Variants in RBMS3 observed in about 807,000 individuals in gnomAD.
The protein encoded by RBMS3 is RNA binding motif single stranded interacting protein 3.
Under a neutral mutation model 66.8 loss-of-function variants are expected in RBMS3, and 27 were observed. The observed-to-expected ratio is 0.40, with a 90% CI of 0.30 to 0.56. The LOEUF (loss-of-function observed/expected upper bound fraction) is 0.56. RBMS3 is among the 20% of genes least tolerant of loss of function. RBMS3 has a pLI of 0.40. For synonymous variants in RBMS3, 188 were observed against 183.0 expected (o/e 1.03, Z -0.22); for missense variants, 513 against 549.5 (o/e 0.93, Z 0.66).
At chr3:29,418,794 G>A (rs767653229) in intron 1 of RBMS3, among the ~76,000 whole-genome samples, 1 of 152,076 alleles carries the variant, frequency 6.6e-6, no homozygotes, top group Non-Finnish European at 1.5e-5. Context: ...TTGAGTAAAA[G>A]CCACCATGCT....
chr3:29,715,767 G>A (rs2053366965), intron 4 of RBMS3, among the ~76,000 whole-genome samples: 2 of 152,104 alleles, frequency 1.3e-5, no homozygotes. Flanking sequence ...AAATCGTTTT[G>A]TTCAGGGTAT....
intron 6 of RBMS3, among the ~76,000 whole-genome samples, chr3:29,772,990 A>G (rs1413821982): frequency 3.3e-5 from 5 of 152,062 alleles, no homozygotes; most frequent in Non-Finnish European, 4.4e-5. Flanking sequence ...ATCTGACACC[A>G]TAAGTATGCC....
At chr3:29,992,216 G>A (rs540924823) in intron 14 of RBMS3, among the ~76,000 whole-genome samples, 47 of 152,238 alleles carry the variant, frequency 3.1e-4, no homozygotes, top group Non-Finnish European at 3.2e-4. Flanking sequence ...AAAATATTCT[G>A]ATATTTGTTA....
intron 3 of RBMS3, among the ~76,000 whole-genome samples, chr3:29,552,862 A>C (rs2046222396): frequency 6.6e-6 from 1 of 152,126 alleles, no homozygotes; most frequent in Admixed American, 6.6e-5. Flanking sequence ...TCTGGGTAGT[A>C]AATGGTATCT....
chr3:29,391,757 G>A lies in RBMS3; in HGVS notation c.76-42986G>A, dbSNP rs189518182. ...TCTCTACTTTCTTATCTGTAAAGTAGGGATGAGCAAAATTGAACAAGATAT... is the reference window on the plus strand; with the variant it reads ...TCTCTACTTTCTTATCTGTAAAGTAAGGATGAGCAAAATTGAACAAGATAT... On this transcript the variant is annotated intron_variant, in intron 1 of 14. Coordinates refer to ENST00000383767, the MANE Select transcript of RBMS3 (RefSeq NM_001003793.3). 5.3e-5 allele frequency among the ~76,000 whole-genome samples: 8 copies of A among 152,202 alleles called. No individual in the cohort carries two copies. The East Asian group carries it at 1.5e-3, about 29-fold the overall frequency.
rs118150723 is a variant in RBMS3 at position 29,762,664 on chromosome 3, C to G, written c.558-246C>G. The stretch of plus-strand genomic sequence containing the variant: ...TTAAGATAATGCCGCAGGGTTACCT[C>G]TGAACGAGTGCTCAGAATAGAGCCC... On this transcript the variant is annotated intron_variant, in intron 5 of 14. Coordinates refer to ENST00000383767, the MANE Select transcript of RBMS3 (RefSeq NM_001003793.3). Among the ~76,000 whole-genome samples the G allele has an allele frequency of 4.2e-3, 641 of 152,230 alleles. 16 individuals carry two copies. The highest frequency in any genetic ancestry group is 0.035 in the Admixed American group (531 of 15,274).
At chr3:29,865,464 A>G (rs1270924638) in intron 6 of RBMS3, among the ~76,000 whole-genome samples, 1 of 152,228 alleles carries the variant, frequency 6.6e-6, no homozygotes, top group Non-Finnish European at 1.5e-5. Context: ...AAAGAAACCC[A>G]GAATTTTCTG....
chr3:29,373,339 C>A (rs1370459271), intron 1 of RBMS3, among the ~76,000 whole-genome samples: 1 of 152,170 alleles, frequency 6.6e-6, no homozygotes, highest in African/African-American at 2.4e-5. Flanking sequence ...TAATCCTCCC[C>A]CTAAAAGAAA....
chr3:29,860,403 A>T (rs2059183242), intron 6 of RBMS3, among the ~76,000 whole-genome samples: 1 of 152,246 alleles, frequency 6.6e-6, no homozygotes, highest in South Asian at 2.1e-4. Context: ...CTTGTTTTCC[A>T]TGTGCTAGTT....
At chr3:29,415,997 A>C (rs1272374038) in intron 1 of RBMS3, among the ~76,000 whole-genome samples, 2 of 152,276 alleles carry the variant, frequency 1.3e-5, no homozygotes, top group Middle Eastern at 3.4e-3. Context: ...TGTAGACAGA[A>C]AGAACAAGTG....
chr3:29,944,210 C>T lies in RBMS3; in HGVS notation c.1054C>T (p.Gln352Ter). Reference protein sequence around the residue: ...HLSLGTTGTIQSQDRIMILHQ... With the variant: ...HLSLGTTGTI ...CTCATGCTCTTTTCATTCAAAGATT[C>T]AATCCCAAGACAGGATTATGATACT... The change falls in exon 12 of 15, where the codon CAA becomes TAA. Residue 352 changes from glutamine to a stop codon, truncating the protein, a stop_gained. Coordinates refer to ENST00000383767, the MANE Select transcript of RBMS3 (RefSeq NM_001003793.3). LOFTEE classifies it high-confidence loss of function. The T allele has an allele frequency of 6.3e-7, 1 of 1,587,122 alleles. No individual in the cohort carries two copies. Among genetic ancestry groups the T allele is most frequent in the South Asian group, 1.1e-5 (1 of 90,528 alleles).
chr3:29,410,513 T>C (rs1469523590), intron 1 of RBMS3, among the ~76,000 whole-genome samples: 1 of 152,180 alleles, frequency 6.6e-6, no homozygotes, highest in African/African-American at 2.4e-5. Context: ...AATATGTCCT[T>C]GAGACATGCA....
rs541760061 is a variant in RBMS3 at position 29,819,657 on chromosome 3, C to G, written c.638-49201C>G. ...TCCCCCATTTTTTCACAGTTATCAG[C>G]AATGCAGCAATGGTTGTTCTTCAAC... On this transcript the variant is annotated intron_variant, in intron 6 of 14. Transcript: ENST00000383767. Among the ~76,000 whole-genome samples the G allele has an allele frequency of 1.1e-4, 17 of 152,142 alleles. No homozygotes were observed. The South Asian group carries it at 2.9e-3, about 26-fold the overall frequency.
chr3:29,785,627 T>C (rs1294707806), intron 6 of RBMS3, among the ~76,000 whole-genome samples: 1 of 152,064 alleles, frequency 6.6e-6, no homozygotes, highest in Admixed American at 6.5e-5. Flanking sequence ...AGAAAAAGCA[T>C]TTGACAAAAT....
chr3:29,582,191 T>C (rs1002639237), intron 3 of RBMS3, among the ~76,000 whole-genome samples: 1 of 144,070 alleles, frequency 6.9e-6, no homozygotes, highest in African/African-American at 2.6e-5. Flanking sequence ...GATAGATAGA[T>C]AGATACACAC....
chr3:29,551,918 C>T (rs141708401), intron 3 of RBMS3, among the ~76,000 whole-genome samples: 37 of 152,144 alleles, frequency 2.4e-4, no homozygotes, highest in African/African-American at 4.3e-4. Flanking sequence ...CTGCTGCACA[C>T]GCAGTACCTG....
intron 8 of RBMS3, among the ~76,000 whole-genome samples, chr3:29,892,847 T>TATG (rs34251421): frequency 6.3e-3 from 333 of 53,230 alleles, no homozygotes; most frequent in Middle Eastern, 0.029. Context: ...ATGTATGTAT[T>TATG]TATTTATTTA....
chr3:29,319,355 G>C (rs1007161190), intron 1 of RBMS3, among the ~76,000 whole-genome samples: 1 of 151,994 alleles, frequency 6.6e-6, no homozygotes, highest in Admixed American at 6.6e-5. Flanking sequence ...CAACTGCTAA[G>C]AGAATCTATT....
intron 3 of RBMS3, among the ~76,000 whole-genome samples, chr3:29,573,626 A>G (rs573259094): frequency 1.4e-4 from 21 of 151,948 alleles, no homozygotes; most frequent in African/African-American, 5.1e-4. Context: ...TCATACTTGC[A>G]TTTTTAGTTC....
Sources: gnomAD v4.1 joint callset for allele counts (sites outside exome capture counted in the v4.1 genomes callset) on GRCh38, gnomAD v4.1.1 for gene constraint, MANE v1.5 for transcripts, NCBI Gene and HGNC (gene_info 2026-07-23, HGNC 2026-07-21) for gene names.